Variants in SEC14L2 observed in about 807,000 individuals in gnomAD.
The protein encoded by SEC14L2 is SEC14 like lipid binding 2, also known as SEC14-like protein 2.
A neutral mutation model predicts 56.9 loss-of-function variants in SEC14L2; 50 were observed. The ratio of observed to expected loss-of-function variants is 0.88; its 90% CI spans 0.70 to 1.11. The LOEUF (loss-of-function observed/expected upper bound fraction) is 1.11. Ranked by LOEUF, SEC14L2 falls within the 50% of genes most tolerant of loss-of-function variation. SEC14L2 has a pLI of 0.00. For missense variants in SEC14L2, 414 were observed against 500.7 expected, an observed-to-expected ratio of 0.83 and a Z score of 1.65; for synonymous variants, 179 against 188.5, an observed-to-expected ratio of 0.95 and a Z score of 0.41.
At chr22:30,412,715 A>G (rs1404623433) in intron 8 of SEC14L2, among the ~76,000 whole-genome samples, 1 of 150,188 alleles carries the variant, frequency 6.7e-6, no homozygotes, top group Non-Finnish European at 1.5e-5. Flanking sequence ...TCCCAGCTAC[A>G]TGGGAGGGTG....
At chr22:30,413,148 T>C (rs2146032265) in intron 8 of SEC14L2, among the ~76,000 whole-genome samples, 1 of 152,326 alleles carries the variant, frequency 6.6e-6, no homozygotes, top group Non-Finnish European at 1.5e-5. Flanking sequence ...TACGTAAGAC[T>C]GCCTACGGAG....
chr22:30,409,803 G>A (rs1446799903), intron 7 of SEC14L2, among the ~76,000 whole-genome samples: 2 of 152,230 alleles, frequency 1.3e-5, no homozygotes, highest in Non-Finnish European at 2.9e-5. Context: ...AAAAGGCTGA[G>A]GCAAGAGCAT....
chr22:30,411,809 C>A (rs905152942), intron 8 of SEC14L2, among the ~76,000 whole-genome samples: 4 of 136,982 alleles, frequency 2.9e-5, no homozygotes, highest in East Asian at 4.7e-4. Context: ...CAGACACAAA[C>A]AAATCTATCA....
intron 11 of SEC14L2, among the ~76,000 whole-genome samples, chr22:30,417,576 A>G (rs1217785837): frequency 6.6e-6 from 1 of 152,084 alleles, no homozygotes; most frequent in Non-Finnish European, 1.5e-5. Flanking sequence ...GGTATCTCAC[A>G]GGGATACCTG....
chr22:30,398,732 C>T (rs1224096857), intron 1 of SEC14L2: 1 of 471,322 alleles, frequency 2.1e-6, no homozygotes, highest in Non-Finnish European at 4.4e-6. Flanking sequence ...TCTTTCTTCC[C>T]TCTGCTCCCC....
rs1371975663 is a variant in SEC14L2 at position 30,409,214 on chromosome 22, A to G, written c.451A>G (p.Ile151Val). The G allele has an allele frequency of 7.4e-6, 12 of 1,613,790 alleles. No individual in the cohort carries two copies. In the Admixed American group the frequency reaches 1.8e-4, roughly 25 times the overall value. ...GGGGAGGAAGGTGGAGACCATCACC[A>G]TAATTTATGACTGCGAGGGGCTTGG... ...KLGRKVETIT[I>V]IYDCEGLGLK... Residue 151 changes from isoleucine to valine, a missense_variant, in exon 6 of 12, where the codon ATA becomes GTA. Ile to Val is a conservative substitution (Grantham distance 29). Transcript: ENST00000615189.
intron 5 of SEC14L2, among the ~76,000 whole-genome samples, chr22:30,408,811 C>T (rs1448685257): frequency 6.6e-6 from 1 of 152,226 alleles, no homozygotes; most frequent in Non-Finnish European, 1.5e-5. Flanking sequence ...CGTGGATGCA[C>T]CCCTGAGGGT....
rs758936232 is a variant in SEC14L2 at position 30,422,436 on chromosome 22, C to T, written c.*29C>T. 3 of 1,613,278 alleles carry T rather than the reference C, an allele frequency of 1.9e-6. No individual in the cohort carries two copies. Among genetic ancestry groups the T allele is most frequent in the Non-Finnish European group, 2.5e-6 (3 of 1,179,656 alleles). On this transcript the variant is annotated 3_prime_UTR_variant, in exon 12 of 12. Coordinates refer to ENST00000615189, the MANE Select transcript of SEC14L2 (RefSeq NM_012429.5). ...CTTCTCCTATAGCAGGCCTGGCCCC[C>T]TCAGTGTCTCCCTGTCAATTTCTAC...
intron 1 of SEC14L2, chr22:30,398,843 A>T (rs779425021): frequency 4.3e-6 from 2 of 465,656 alleles, no homozygotes; most frequent in African/African-American, 4.0e-5. Flanking sequence ...TCTGCTAATG[A>T]CTAGCTGTTT....
chr22:30,408,993 C>A, intron 5 of SEC14L2, 194 bp from the exon 6 acceptor site: 1 of 679,584 alleles, frequency 1.5e-6, no homozygotes, highest in South Asian at 1.6e-5. Context: ...ACACAGAGAC[C>A]TAGGCAGGAA....
chr22:30,409,633 C>A, intron 7 of SEC14L2, 147 bp downstream of exon 7: 1 of 810,094 alleles, frequency 1.2e-6, no homozygotes, highest in Non-Finnish European at 2.1e-6. Flanking sequence ...TGTGCTGGCT[C>A]ACGCCTGTAA....
intron 11 of SEC14L2, chr22:30,421,627 T>C (rs188068402): frequency 2.0e-5 from 3 of 152,342 alleles, no homozygotes; most frequent in Admixed American, 2.0e-4. Context: ...TTTTGCAGGA[T>C]AAATTCCTGG....
chr22:30,399,615 C>T lies in SEC14L2; in HGVS notation c.55-28C>T, dbSNP rs746360427. ...AGGGCAGCAGTCAGGGCGGGCCCTA[C>T]CACTCACCCCGATGCCTCTCCCTAC... On this transcript the variant is annotated intron_variant, in intron 1 of 11. Transcript: ENST00000615189. 17 of 1,600,122 alleles carry T rather than the reference C, an allele frequency of 1.1e-5. No homozygotes were observed. In the Admixed American group the frequency reaches 2.7e-4, roughly 25 times the overall value.
intron 8 of SEC14L2, among the ~76,000 whole-genome samples, chr22:30,412,125 A>G (rs1282852528): frequency 6.6e-6 from 1 of 152,206 alleles, no homozygotes; most frequent in African/African-American, 2.4e-5. Context: ...CACTAGGTTG[A>G]AAAGCTGGGA....
At chr22:30,411,812 A>G (rs1356989340) in intron 8 of SEC14L2, among the ~76,000 whole-genome samples, 1 of 151,328 alleles carries the variant, frequency 6.6e-6, no homozygotes, top group Non-Finnish European at 1.5e-5. Context: ...ACACAAACAA[A>G]TCTATCAGTA....
rs1297210624 is a variant in SEC14L2, at chr22:30,422,468, T to TAGCA, written c.*62_*65dup. On this transcript the variant is annotated 3_prime_UTR_variant, in exon 12 of 12. Coordinates refer to ENST00000615189, the MANE Select transcript of SEC14L2 (RefSeq NM_012429.5). ...TCTCCCTGTCAATTTCTACCCCTTG[T>TAGCA]AGCAGTCATTTTCGCACAACCCTGA... 9 of 1,599,874 alleles carry TAGCA rather than the reference T, an allele frequency of 5.6e-6. No individual in the cohort carries two copies. The highest frequency in any genetic ancestry group is 7.7e-6 in the Non-Finnish European group (9 of 1,172,778).
intron 2 of SEC14L2, among the ~76,000 whole-genome samples, chr22:30,403,730 G>A (rs901453063): frequency 5.3e-5 from 8 of 152,140 alleles, no homozygotes; most frequent in Admixed American, 2.0e-4. Flanking sequence ...CTGGCTGGGC[G>A]CGGTGGCTCA....
At chr22:30,397,696 A>G (rs1052379869) in intron 1 of SEC14L2, 8 of 350,636 alleles carry the variant, frequency 2.3e-5, no homozygotes, top group South Asian at 1.1e-4. Flanking sequence ...CCATGGAATG[A>G]GGAGGTTGGA....
rs1349158117 is a variant in SEC14L2 at position 30,406,385 on chromosome 22, G to A, written c.174G>A (p.Lys58=). The A allele has an allele frequency of 1.9e-6, 3 of 1,613,938 alleles. No homozygotes were observed. In the African/African-American group the frequency reaches 4.0e-5, roughly 22 times the overall value. Reference sequence around the variant, plus strand: ...AGAAGTCGGAGGCCATGCTCCGGAAGGTGAGACACATTTGGCTGTTGCTTC... The same window carrying A: ...AGAAGTCGGAGGCCATGCTCCGGAAAGTGAGACACATTTGGCTGTTGCTTC... ...DLQKSEAMLR[K]HVEFRKQKDI... is the part of the protein sequence containing the mutation. The change falls in exon 3 of 12, where the codon AAG becomes AAA. Residue 58 remains lysine, a splice_region_variant and synonymous_variant. Coordinates refer to ENST00000615189, the MANE Select transcript of SEC14L2 (RefSeq NM_012429.5).
Sources: allele counts gnomAD v4.1 joint callset (sites outside exome capture counted in the v4.1 genomes callset), GRCh38; gene constraint gnomAD v4.1.1; transcripts MANE v1.5; gene names NCBI Gene and HGNC (gene_info 2026-07-23, HGNC 2026-07-21).